Variants in MDFIC2 observed in about 807,000 individuals in gnomAD.
MDFIC2 encodes the protein MyoD family inhibitor domain containing 2, also known as myoD family inhibitor domain-containing protein 2.
intron 2 of MDFIC2, among the ~76,000 whole-genome samples, chr3:70,245,671 TTATATATATATATATATATATATA>T (rs34480688): frequency 4.4e-4 from 25 of 57,238 alleles, no homozygotes; most frequent in South Asian, 8.0e-4. Context: ...GCAAACTGCT[TTATATATATATATATATATATATA>T]TATATATATA....
At chr3:70,259,097 T>C (rs1040483125) in intron 2 of MDFIC2, among the ~76,000 whole-genome samples, 2 of 152,206 alleles carry the variant, frequency 1.3e-5, no homozygotes, top group Non-Finnish European at 2.9e-5. Flanking sequence ...CGGTACCTCC[T>C]GCTAGCACTC....
chr3:70,311,906 T>C lies in MDFIC2; in HGVS notation c.68A>G (p.Asn23Ser), dbSNP rs1006757993. 6 of 397,770 alleles carry C rather than the reference T, an allele frequency of 1.5e-5. No homozygotes were observed. In the East Asian group the frequency reaches 1.8e-4, roughly 12 times the overall value. The allele number at this position is 397,770 out of a possible 1,614,324, so 24.6% of individuals were successfully genotyped here. The change falls in exon 2 of 4, where the codon AAC (asparagine) becomes AGC (serine). Residue 23 changes from asparagine to serine, a missense_variant. Coordinates refer to ENST00000567252, the MANE Select transcript of MDFIC2 (RefSeq NM_001364677.1). Reference sequence around the variant, plus strand: ...CTTACCTTCTTTCAACCAAGAAATGTTATTTTTATCATTTTCTAAATGCTC... The same window carrying C: ...CTTACCTTCTTTCAACCAAGAAATGCTATTTTTATCATTTTCTAAATGCTC... Reference protein sequence around the residue: ...TAEHLENDKNNISWLKEDTQL... With the variant: ...TAEHLENDKNSISWLKEDTQL...
chr3:70,288,834 G>T (rs2106690111), intron 2 of MDFIC2, among the ~76,000 whole-genome samples: 1 of 151,670 alleles, frequency 6.6e-6, no homozygotes, highest in East Asian at 2.0e-4. Flanking sequence ...TGTCTGTTTT[G>T]ATCTTTGTTG....
intron 2 of MDFIC2, among the ~76,000 whole-genome samples, chr3:70,234,944 T>G (rs1701593509): frequency 6.6e-6 from 1 of 152,170 alleles, no homozygotes; most frequent in Non-Finnish European, 1.5e-5. Context: ...CCTGATTTAT[T>G]TGGTCTGGAG....
At chr3:70,252,016 G>A (rs1000476489) in intron 2 of MDFIC2, among the ~76,000 whole-genome samples, 1 of 152,176 alleles carries the variant, frequency 6.6e-6, no homozygotes, top group African/African-American at 2.4e-5. Flanking sequence ...CAAAACAAGT[G>A]CCTTCAATTC....
chr3:70,258,289 G>A (rs149922840), intron 2 of MDFIC2, among the ~76,000 whole-genome samples: 1 of 151,972 alleles, frequency 6.6e-6, no homozygotes, highest in African/African-American at 2.4e-5. Context: ...TAATAAATTG[G>A]CTTTCATCAA....
chr3:70,279,777 A>C (rs576586001), intron 2 of MDFIC2, among the ~76,000 whole-genome samples: 2 of 152,116 alleles, frequency 1.3e-5, no homozygotes, highest in Admixed American at 1.3e-4. Context: ...TTTTCCTTCC[A>C]TGGGCTGTTC....
At chr3:70,296,367 T>C (rs1032207766) in intron 2 of MDFIC2, among the ~76,000 whole-genome samples, 1 of 152,186 alleles carries the variant, frequency 6.6e-6, no homozygotes, top group African/African-American at 2.4e-5. Flanking sequence ...TTTCTTACTG[T>C]TAACTATGGG....
chr3:70,302,724 T>C (rs936564673), intron 2 of MDFIC2: 4 of 152,208 alleles, frequency 2.6e-5, no homozygotes, highest in African/African-American at 7.2e-5. Context: ...TGTACTGCCT[T>C]ATCATCATTG....
intron 2 of MDFIC2, among the ~76,000 whole-genome samples, chr3:70,258,647 A>C (rs1701839770): frequency 6.6e-6 from 1 of 152,298 alleles, no homozygotes; most frequent in African/African-American, 2.4e-5. Context: ...ACACTACTGG[A>C]AATTTATAGA....
chr3:70,241,938 T>A (rs546493959), intron 2 of MDFIC2, among the ~76,000 whole-genome samples: 2 of 152,206 alleles, frequency 1.3e-5, no homozygotes, highest in Non-Finnish European at 2.9e-5. Context: ...CATTCTAAAC[T>A]GTATAATAAC....
At chr3:70,294,379 A>G (rs1350850561) in intron 2 of MDFIC2, among the ~76,000 whole-genome samples, 2 of 152,202 alleles carry the variant, frequency 1.3e-5, no homozygotes, top group South Asian at 2.1e-4. Context: ...ACACATATTT[A>G]TAAGCATTCA....
At chr3:70,269,399 A>G (rs1338779611) in intron 2 of MDFIC2, among the ~76,000 whole-genome samples, 2 of 152,208 alleles carry the variant, frequency 1.3e-5, no homozygotes, top group Non-Finnish European at 2.9e-5. Flanking sequence ...TTAGGTCTCA[A>G]TCCCTGAGTT....
intron 2 of MDFIC2, chr3:70,272,195 T>G (rs1054851938): frequency 6.6e-6 from 1 of 152,212 alleles, no homozygotes; most frequent in African/African-American, 2.4e-5. Flanking sequence ...AAATGCATAG[T>G]GGGGGTTTGA....
At chr3:70,286,859 G>T (rs1702170181) in intron 2 of MDFIC2, among the ~76,000 whole-genome samples, 1 of 152,052 alleles carries the variant, frequency 6.6e-6, no homozygotes, top group South Asian at 2.1e-4. Flanking sequence ...CTCTCTGTTT[G>T]TCTGTTGTTG....
At chr3:70,224,831 C>A (rs561247728) in intron 2 of MDFIC2, among the ~76,000 whole-genome samples, 13 of 152,060 alleles carry the variant, frequency 8.5e-5, no homozygotes, top group Admixed American at 7.2e-4. Context: ...GTTTCCCCCC[C>A]CACACCTCAC....
chr3:70,310,510 GGT>G (rs903989964), intron 2 of MDFIC2, among the ~76,000 whole-genome samples: 10 of 151,716 alleles, frequency 6.6e-5, no homozygotes, highest in African/African-American at 2.2e-4. Flanking sequence ...GGACTACAGG[GGT>G]GTGCCACCAC....
intron 3 of MDFIC2, among the ~76,000 whole-genome samples, chr3:70,197,966 A>G (rs1208919553): frequency 6.6e-6 from 1 of 152,130 alleles, no homozygotes; most frequent in Non-Finnish European, 1.5e-5. Flanking sequence ...TTTCTAGCCA[A>G]ACAGCTGTGA....
chr3:70,252,005 G>A (rs577538447), intron 2 of MDFIC2, among the ~76,000 whole-genome samples: 1 of 152,260 alleles, frequency 6.6e-6, no homozygotes, highest in African/African-American at 2.4e-5. Flanking sequence ...AAAATTGAAG[G>A]CAAAACAAGT....
Sources: gnomAD v4.1 joint callset for allele counts (sites outside exome capture counted in the v4.1 genomes callset) on GRCh38, gnomAD v4.1.1 for gene constraint, MANE v1.5 for transcripts, NCBI Gene and HGNC (gene_info 2026-07-23, HGNC 2026-07-21) for gene names.